The following MAST3 variants were observed in gnomAD, a reference collection of about 807,000 sequenced individuals.
The protein encoded by MAST3 is microtubule associated serine/threonine kinase 3.
Under a neutral mutation model 127.0 loss-of-function variants are expected in MAST3, and 43 were observed. The observed-to-expected ratio is 0.34, with a 90% CI of 0.27 to 0.44. The LOEUF is 0.44. MAST3 is among the 20% of genes least tolerant of loss of function. The pLI is 1.00. For synonymous variants in MAST3, 785 were observed against 809.2 expected (o/e 0.97, Z 0.51); for missense variants, 1,390 against 1,919.1 (o/e 0.72, Z 5.15).
chr19:18,130,584 C>T lies in MAST3; in HGVS notation c.1314C>T (p.Ile438=), dbSNP rs1250528187. 8 of 1,613,548 alleles carry T rather than the reference C, an allele frequency of 5.0e-6. No individual in the cohort carries two copies. In the South Asian group the frequency reaches 7.7e-5, roughly 16 times the overall value. Reference sequence around the variant, plus strand: ...AGAACTTGATCCTGCGTAACCAGATCCAGCAGGTCTTTGTGGAGCGTGACA... The same window carrying T: ...AGAACTTGATCCTGCGTAACCAGATTCAGCAGGTCTTTGTGGAGCGTGACA... ...NKQNLILRNQ[I]QQVFVERDIL... is the part of the protein sequence containing the mutation. Residue 438 remains isoleucine (I), a synonymous_variant, in exon 14 of 28, where the codon ATC becomes ATT. Coordinates refer to ENST00000687212, the MANE Select transcript of MAST3 (RefSeq NM_001393504.1).
chr19:18,138,440 C>G lies in MAST3; in HGVS notation c.2096-575C>G, dbSNP rs373336519. ...CAAGCAATTATCTGCCTCAGCCTCC[C>G]GAGTAGTCGGGATTACAGGTGCCTG... is the stretch of plus-strand genomic sequence containing the variant. On this transcript the variant is annotated intron_variant, in intron 19 of 27. Coordinates refer to ENST00000687212, the MANE Select transcript of MAST3 (RefSeq NM_001393504.1). 7.2e-5 allele frequency among the ~76,000 whole-genome samples: 11 copies of G among 152,050 alleles called. No homozygotes were observed. In the East Asian group the frequency reaches 9.8e-4, roughly 13 times the overall value.
intron 2 of MAST3, among the ~76,000 whole-genome samples, chr19:18,109,106 A>T (rs1285541408): frequency 6.6e-6 from 1 of 152,178 alleles, no homozygotes; most frequent in Non-Finnish European, 1.5e-5. Flanking sequence ...GGAGAATGGC[A>T]TTCCAAGCAG....
chr19:18,112,341 G>T lies in MAST3; in HGVS notation c.161+1600G>T, dbSNP rs745720149. The stretch of plus-strand genomic sequence containing the variant: ...CGCCCGGCTAATTTTTTGTTTGTTT[G>T]TTTGTTTGTTTGAGAAGGGATCTTG... On this transcript the variant is annotated intron_variant, in intron 3 of 27. Coordinates refer to ENST00000687212, the MANE Select transcript of MAST3 (RefSeq NM_001393504.1). The surrounding 1 kb of genome is among the most constrained non-coding windows in gnomAD (Gnocchi z 4.1). Among the ~76,000 whole-genome samples the T allele has an allele frequency of 5.3e-5, 8 of 152,032 alleles. No individual in the cohort carries two copies. Among genetic ancestry groups the T allele is most frequent in the Non-Finnish European group, 7.4e-5 (5 of 68,010 alleles).
chr19:18,120,263 G>A (rs1188855969), intron 3 of MAST3, among the ~76,000 whole-genome samples: 3 of 152,128 alleles, frequency 2.0e-5, no homozygotes, highest in African/African-American at 7.2e-5. Context: ...GAAGAAGGAG[G>A]GTTGTCAAGA....
At chr19:18,141,768 C>T in intron 20 of MAST3, 114 bp from the exon 21 acceptor site, 2 of 779,376 alleles carry the variant, frequency 2.6e-6, no homozygotes, top group African/African-American at 1.8e-5. Flanking sequence ...GTTGCCCAGG[C>T]TGGTCTCAAA....
In MAST3 at chr19:18,134,830, C is replaced by T. The variant is rs1413009377; in HGVS notation, c.1718C>T (p.Pro573Leu). 3 of 1,613,966 alleles carry T rather than the reference C, an allele frequency of 1.9e-6. No homozygotes were observed. The highest frequency in any genetic ancestry group is 2.5e-6 in the Non-Finnish European group (3 of 1,179,894). Residue 573 changes from proline (P) to leucine (L), a missense_variant, in exon 17 of 28, where the codon CCG becomes CTG. Pro to Leu is a moderately conservative substitution (Grantham distance 98, BLOSUM62 -3). Around this residue, in one of 5 missense-constraint regions of MAST3, gnomAD observed 191 missense variants for 409.0 expected, o/e 0.47. Transcript: ENST00000687212. ...TCCCTGGCCCAGGTGTGTGGGACGC[C>T]GGAGTACATAGCCCCCGAGGTGATC... ...EFIDKQVCGT[P>L]EYIAPEVIFR...
At chr19:18,147,157 G>A (rs1427235169) in intron 26 of MAST3, 113 bp downstream of exon 26, 11 of 1,093,214 alleles carry the variant, frequency 1.0e-5, no homozygotes, top group Non-Finnish European at 1.1e-5. Context: ...AGGCTGGAGT[G>A]CAGTGGCTCA....
Position 18,112,522 on chromosome 19 carries a change from A to G in MAST3, c.161+1781A>G, listed in dbSNP as rs1268391914. Among the ~76,000 whole-genome samples the G allele has an allele frequency of 6.6e-6, 1 of 152,128 alleles. No homozygotes were observed. The highest frequency in any genetic ancestry group is 1.5e-5 in the Non-Finnish European group (1 of 68,032). On this transcript the variant is annotated intron_variant, in intron 3 of 27. Transcript: ENST00000687212. The surrounding 1 kb of genome is among the most constrained non-coding windows in gnomAD (Gnocchi z 4.1). ...GCTAATTTTTGTATTTTCAGTAAAG[A>G]TGGGGTTTCACCATGTTAGCTAGGC...
chr19:18,113,573 G>A (rs1430468247), intron 3 of MAST3, among the ~76,000 whole-genome samples: 1 of 152,164 alleles, frequency 6.6e-6, no homozygotes, highest in Non-Finnish European at 1.5e-5. Context: ...TGATTTTCCT[G>A]CCTCAGCCTC....
In MAST3 at chr19:18,137,249, C is replaced by T. The variant is rs760314492; in HGVS notation, c.1983C>T (p.His661=). Residue 661 remains histidine (H), a synonymous_variant, in exon 19 of 28, where the codon CAC becomes CAT. Coordinates refer to ENST00000687212, the MANE Select transcript of MAST3 (RefSeq NM_001393504.1). Reference sequence around the variant, plus strand: ...GGGGCATATCTGCAGGTGGCACCCACGAAGTGAAGCAGCACCCCTTTTTCC... The same window carrying T: ...GGGGCATATCTGCAGGTGGCACCCATGAAGTGAAGCAGCACCCCTTTTTCC... ...PLDRLGTGGT[H]EVKQHPFFLA... is the part of the protein sequence containing the mutation. 1.8e-5 allele frequency: 29 copies of T among 1,613,168 alleles called. No individual in the cohort carries two copies. Among genetic ancestry groups the T allele is most frequent in the African/African-American group, 5.3e-5 (4 of 74,918 alleles).
intron 18 of MAST3, among the ~76,000 whole-genome samples, chr19:18,136,889 G>C (rs563683394): frequency 6.6e-6 from 1 of 151,676 alleles, no homozygotes; most frequent in Admixed American, 6.6e-5. Flanking sequence ...TGCTATCTCA[G>C]CTCACTGCTG....
intron 3 of MAST3, among the ~76,000 whole-genome samples, chr19:18,116,899 G>A (rs1304646137): frequency 2.5e-5 from 1 of 40,542 alleles, no homozygotes; most frequent in African/African-American, 1.0e-4. Context: ...GGCAACGAGA[G>A]CGAAACTCTG....
intron 20 of MAST3, among the ~76,000 whole-genome samples, chr19:18,140,043 T>G (rs2042290630): frequency 6.7e-6 from 1 of 150,334 alleles, no homozygotes; most frequent in Non-Finnish European, 1.5e-5. Flanking sequence ...ATGGTCTCGA[T>G]CTCCTGACCT....
At position 18,110,329 on chromosome 19, in the gene MAST3, C is replaced by G; in HGVS notation, c.72-323C>G. On this transcript the variant is annotated intron_variant, in intron 2 of 27. Transcript: ENST00000687212. The surrounding 1 kb of genome is among the most constrained non-coding windows in gnomAD (Gnocchi z 4.3). Reference sequence around the variant, plus strand: ...CGGCCTCTGCCTCGGCATGAAGTCCCGCAGGGACAAGCTGCACATCCCGGC... The same window carrying G: ...CGGCCTCTGCCTCGGCATGAAGTCCGGCAGGGACAAGCTGCACATCCCGGC... 1.0e-6 allele frequency: 1 copy of G among 985,584 alleles called. No individual in the cohort carries two copies. The highest frequency in any genetic ancestry group is 1.2e-6 in the Non-Finnish European group (1 of 830,034). The allele number at this position is 985,584 out of a possible 1,614,324, so 61.1% of individuals were successfully genotyped here. A position where few individuals can be genotyped will look rare whatever the true frequency, so the allele number is the denominator to read the frequency against.
chr19:18,116,648 G>A (rs1322057031), intron 3 of MAST3, among the ~76,000 whole-genome samples: 4 of 136,778 alleles, frequency 2.9e-5, no homozygotes, highest in East Asian at 2.7e-4. Flanking sequence ...GGTGGCTCAC[G>A]CCTGTAATCC....
chr19:18,119,449 G>C (rs754119258), intron 3 of MAST3, among the ~76,000 whole-genome samples: 13 of 152,190 alleles, frequency 8.5e-5, no homozygotes, highest in Admixed American at 2.6e-4. Context: ...TGCTTCTGCA[G>C]CTCAGGCTGG....
Position 18,144,839 on chromosome 19 carries a change from G to T in MAST3, c.2812+146G>T. On this transcript the variant is annotated intron_variant, in intron 23 of 27. Transcript: ENST00000687212. This position sits in a 1 kb window ranked among gnomAD's most constrained non-coding sequence, Gnocchi z 4.0. ...ACACATGGAGAGCTGGGGAGATGGT[G>T]TTCCCAGTAGAGGGCACTGCACGTG... 1.0e-6 allele frequency: 1 copy of T among 999,940 alleles called. No individual in the cohort carries two copies. The highest frequency in any genetic ancestry group is 1.4e-5 in the South Asian group (1 of 73,080). 61.9% of individuals were successfully genotyped at this position (999,940 alleles called of 1,614,324 possible).
chr19:18,098,966 G>T, intron 1 of MAST3: 1 of 340,552 alleles, frequency 2.9e-6, no homozygotes. Context: ...GGGAGCCCTG[G>T]GGTAGAGGAG....
chr19:18,123,177 C>G (rs759901103), intron 6 of MAST3, 40 bp from the exon 7 acceptor site: 1 of 1,609,382 alleles, frequency 6.2e-7, no homozygotes, highest in Non-Finnish European at 8.5e-7. Context: ...ACAGCACTGA[C>G]GGTGAACTCA....
Sources: gnomAD v4.1 joint callset for allele counts (sites outside exome capture counted in the v4.1 genomes callset) on GRCh38, gnomAD v4.1.1 for gene constraint, gnomAD v4.1.1 regional missense constraint, Gnocchi (gnomAD v3.1) non-coding constraint, MANE v1.5 for transcripts, NCBI Gene and HGNC (gene_info 2026-07-23, HGNC 2026-07-21) for gene names.